CACNA2D1: variants seen among roughly 807,000 people sequenced by gnomAD.
The protein encoded by CACNA2D1 is voltage-dependent calcium channel subunit alpha-2/delta-1.
In CACNA2D1, 53 loss-of-function variants were observed where a neutral mutation model predicts 171.5. The ratio of observed to expected loss-of-function variants is 0.31; its 90% CI spans 0.25 to 0.39. CACNA2D1 has a LOEUF of 0.39. Among genes scored for constraint, CACNA2D1 ranks in the 10% least tolerant of loss-of-function variants. CACNA2D1 has a pLI of 1.00. For synonymous variants in CACNA2D1, 442 were observed against 443.1 expected (o/e 1.00, Z 0.03); for missense variants, 903 against 1,299.8 (o/e 0.69, Z 4.69).
intron 5 of CACNA2D1, among the ~76,000 whole-genome samples, chr7:82,128,483 T>C (rs924871994): frequency 6.6e-6 from 1 of 152,146 alleles, no homozygotes; most frequent in Admixed American, 6.5e-5. Flanking sequence ...AGCATAAACT[T>C]TCCCACAAAC....
At chr7:82,293,936 G>A (rs1217892437) in intron 3 of CACNA2D1, among the ~76,000 whole-genome samples, 1 of 151,908 alleles carries the variant, frequency 6.6e-6, no homozygotes, top group Non-Finnish European at 1.5e-5. Context: ...TTAGCTTTTT[G>A]CTCTTTCTGC....
intron 3 of CACNA2D1, among the ~76,000 whole-genome samples, chr7:82,327,798 G>A (rs2129442927): frequency 6.6e-6 from 1 of 152,158 alleles, no homozygotes; most frequent in Non-Finnish European, 1.5e-5. Context: ...TTACTCTCTG[G>A]GGCTGATCGA....
chr7:82,363,487 G>A (rs1262722403), intron 1 of CACNA2D1, among the ~76,000 whole-genome samples: 6 of 151,816 alleles, frequency 4.0e-5, no homozygotes, highest in African/African-American at 1.5e-4. Context: ...GGATGGTCTT[G>A]ATCTCCTGAC....
chr7:82,030,407 G>GA (rs71520796), intron 12 of CACNA2D1, among the ~76,000 whole-genome samples: 33,824 of 142,010 alleles, frequency 0.24, 4,017 homozygotes, highest in African/African-American at 0.32. Flanking sequence ...TCCGAAACAG[G>GA]AAAAAAAAAA....
chr7:82,426,274 T>G (rs1829180343), intron 1 of CACNA2D1, among the ~76,000 whole-genome samples: 1 of 152,170 alleles, frequency 6.6e-6, no homozygotes, highest in South Asian at 2.1e-4. Flanking sequence ...ACATCTTTTT[T>G]GTATCCACGT....
At chr7:82,110,613 G>A (rs4732425) in intron 6 of CACNA2D1, among the ~76,000 whole-genome samples, 2 of 151,922 alleles carry the variant, frequency 1.3e-5, no homozygotes, top group Non-Finnish European at 1.5e-5. Flanking sequence ...CTCCCCGTTC[G>A]CTTGCTAACT....
At chr7:82,298,955 C>T (rs201175270) in intron 3 of CACNA2D1, among the ~76,000 whole-genome samples, 19 of 150,038 alleles carry the variant, frequency 1.3e-4, no homozygotes, top group African/African-American at 3.9e-4. Context: ...CCCAGCTACT[C>T]GGGAGACTGA....
intron 4 of CACNA2D1, among the ~76,000 whole-genome samples, chr7:82,142,017 A>G (rs1000988541): frequency 6.6e-6 from 1 of 152,208 alleles, no homozygotes; most frequent in African/African-American, 2.4e-5. Context: ...AAATTATTAA[A>G]CAACATCATC....
At chr7:82,029,672 T>C (rs949656049) in intron 12 of CACNA2D1, 18 of 151,782 alleles carry the variant, frequency 1.2e-4, no homozygotes, top group African/African-American at 4.3e-4. Context: ...TGGTTCCTTG[T>C]TCCTGGAGGG....
chr7:82,216,786 C>T (rs1331673847), intron 3 of CACNA2D1, among the ~76,000 whole-genome samples: 1 of 145,936 alleles, frequency 6.9e-6, no homozygotes, highest in African/African-American at 2.5e-5. Flanking sequence ...TCCTAGATAG[C>T]AAAGAAACAT....
intron 10 of CACNA2D1, among the ~76,000 whole-genome samples, chr7:82,050,145 A>G (rs1169364151): frequency 6.6e-6 from 1 of 152,190 alleles, no homozygotes; most frequent in East Asian, 1.9e-4. Flanking sequence ...TAGGAAATGG[A>G]ACAATTGAAA....
chr7:82,353,058 T>C (rs1820036262), intron 1 of CACNA2D1, among the ~76,000 whole-genome samples: 1 of 152,168 alleles, frequency 6.6e-6, no homozygotes, highest in South Asian at 2.1e-4. Context: ...CATGATTAAA[T>C]AATTTCCCTG....
chr7:82,060,211 A>ATATATATATT lies in CACNA2D1; in HGVS notation c.879+216_879+217insAATATATATA, dbSNP rs374742133. 9.6e-4 allele frequency among the ~76,000 whole-genome samples: 30 copies of ATATATATATT among 31,364 alleles called. 1 individual carries two copies. Among genetic ancestry groups the ATATATATATT allele is most frequent in the African/African-American group, 3.1e-3 (30 of 9,528 alleles). The allele number at this position is 31,364 out of a possible 152,430, so 20.6% of individuals were successfully genotyped here. A position where few individuals can be genotyped will look rare whatever the true frequency, so the allele number is the denominator to read the frequency against. On this transcript the variant is annotated intron_variant, in intron 10 of 38. Coordinates refer to ENST00000356860, the MANE Select transcript of CACNA2D1 (RefSeq NM_000722.4). Reference sequence around the variant, plus strand: ...TATATTATATATATATTATATATATAATATATATATAATATATATATATAA... The same window carrying ATATATATATT: ...TATATTATATATATATTATATATATATATATATATTATATATATATAATATATATATATAA...
At chr7:82,387,421 CAT>C (rs375310962) in intron 1 of CACNA2D1, among the ~76,000 whole-genome samples, 4 of 152,158 alleles carry the variant, frequency 2.6e-5, no homozygotes, top group African/African-American at 9.7e-5. Context: ...GAGAAGATCA[CAT>C]ATGAGTCAAA....
intron 6 of CACNA2D1, among the ~76,000 whole-genome samples, chr7:82,116,543 CTT>C (rs1428322229): frequency 6.6e-6 from 1 of 152,144 alleles, no homozygotes; most frequent in Non-Finnish European, 1.5e-5. Flanking sequence ...GGAAGGTACT[CTT>C]TACCTATATC....
At chr7:82,341,395 T>C (rs925771642) in intron 2 of CACNA2D1, among the ~76,000 whole-genome samples, 9 of 152,182 alleles carry the variant, frequency 5.9e-5, no homozygotes, top group Non-Finnish European at 7.3e-5. Flanking sequence ...GATGTTAGAA[T>C]ATACTTTAAC....
At chr7:82,130,908 T>C (rs1219160573) in intron 5 of CACNA2D1, among the ~76,000 whole-genome samples, 2 of 149,256 alleles carry the variant, frequency 1.3e-5, no homozygotes, top group Non-Finnish European at 3.0e-5. Flanking sequence ...GCTACTCTCC[T>C]GCCTCAGCCT....
intron 1 of CACNA2D1, among the ~76,000 whole-genome samples, chr7:82,354,221 T>C (rs945998754): frequency 2.0e-5 from 3 of 152,224 alleles, no homozygotes; most frequent in African/African-American, 7.2e-5. Context: ...TGAAGGCTCC[T>C]GTGTCACATA....
At chr7:81,987,440 AC>A (rs2130701538) in intron 21 of CACNA2D1, among the ~76,000 whole-genome samples, 1 of 152,298 alleles carries the variant, frequency 6.6e-6, no homozygotes, top group African/African-American at 2.4e-5. Flanking sequence ...AGTTAAGTGG[AC>A]TATAACACAC....
Sources: gnomAD v4.1 joint callset for allele counts (sites outside exome capture counted in the v4.1 genomes callset) on GRCh38, gnomAD v4.1.1 for gene constraint, MANE v1.5 for transcripts, NCBI Gene and HGNC (gene_info 2026-07-23, HGNC 2026-07-21) for gene names.